The following ARHGEF18 variants were observed in gnomAD, a reference collection of about 807,000 sequenced individuals.
ARHGEF18 encodes the protein rho guanine nucleotide exchange factor 18.
In ARHGEF18, 93 loss-of-function variants were observed where a neutral mutation model predicts 155.7. That is an observed-to-expected ratio of 0.60 (90% confidence interval 0.50 to 0.71). The LOEUF (loss-of-function observed/expected upper bound fraction) is 0.71. ARHGEF18 is among the 30% of genes least tolerant of loss of function. ARHGEF18 has a pLI of 0.00. For missense variants in ARHGEF18, 1,593 were observed against 1,816.1 expected (o/e 0.88, Z 2.23); for synonymous variants, 742 against 753.1 (o/e 0.99, Z 0.24).
intron 10 of ARHGEF18, among the ~76,000 whole-genome samples, chr19:7,387,491 C>T (rs116193382): frequency 3.3e-5 from 5 of 152,074 alleles, no homozygotes; most frequent in East Asian, 1.9e-4. Context: ...TGTTTGCATA[C>T]GCTGAAAGCT....
Position 7,470,222 on chromosome 19 carries a change from C to T in ARHGEF18, c.4010C>T (p.Pro1337Leu). The change falls in exon 29 of 29, where the codon CCA becomes CTA. Residue 1337 changes from proline (P) to leucine (L), a missense_variant. Transcript: ENST00000668164. The surrounding 1 kb of genome is among the most constrained non-coding windows in gnomAD (Gnocchi z 5.9). ...GGCACAGCCCTCCTGCCCGGGCCCC[C>T]AGCTCCCTCGCCACTGCCGGCCACA... ...AGGTALLPGP[P>L]APSPLPATPL... 1 of 1,609,626 alleles carries T rather than the reference C, an allele frequency of 6.2e-7. No homozygotes were observed. The highest frequency in any genetic ancestry group is 8.5e-7 in the Non-Finnish European group (1 of 1,178,614).
intron 10 of ARHGEF18, among the ~76,000 whole-genome samples, chr19:7,414,033 G>A (rs1744645722): frequency 6.6e-6 from 1 of 152,082 alleles, no homozygotes. Flanking sequence ...TTAGATTCCT[G>A]CGCGTGGGTC....
At chr19:7,389,610 T>C (rs1311378348) in intron 10 of ARHGEF18, among the ~76,000 whole-genome samples, 2 of 151,576 alleles carry the variant, frequency 1.3e-5, no homozygotes, top group Non-Finnish European at 2.9e-5. Context: ...CTTGGCTCAC[T>C]GCAACCTCCA....
Position 7,380,944 on chromosome 19 carries a change from C to G in ARHGEF18, c.672C>G (p.Ala224=), listed in dbSNP as rs866671111. ...CCCGGCAGAGGGCTTGCATGTCAGC[C>G]AGCCCCGGAGGAGCCCACTCGAACC... ...HGARQRACMS[A]SPGGAHSNLT... is the part of the protein sequence containing the mutation. The change falls in exon 8 of 29, where the codon GCC becomes GCG. Residue 224 remains alanine, a synonymous_variant. Coordinates refer to ENST00000668164, the MANE Select transcript of ARHGEF18 (RefSeq NM_001367823.1). 84 of 1,231,788 alleles carry G rather than the reference C, an allele frequency of 6.8e-5. No individual in the cohort carries two copies. The Middle Eastern group carries it at 1.5e-3, about 23-fold the overall frequency. The allele number at this position is 1,231,788 out of a possible 1,614,324, so 76.3% of individuals were successfully genotyped here.
intron 2 of ARHGEF18, among the ~76,000 whole-genome samples, chr19:7,365,657 C>A (rs573420545): frequency 2.0e-5 from 3 of 152,212 alleles, no homozygotes; most frequent in Non-Finnish European, 4.4e-5. Context: ...TGCCCCCACC[C>A]GCTGGCAAAT....
intron 10 of ARHGEF18, among the ~76,000 whole-genome samples, chr19:7,424,100 G>C (rs910716463): frequency 1.6e-4 from 24 of 151,908 alleles, no homozygotes; most frequent in African/African-American, 5.6e-4. Context: ...GATCTCGGCT[G>C]ACCGCAACCT....
downstream of ARHGEF18, chr19:7,473,264 A>G (rs901502859): frequency 4.4e-6 from 2 of 456,114 alleles, no homozygotes; most frequent in African/African-American, 4.0e-5. Context: ...GTCGATCACT[A>G]GCTCACTAGG....
At chr19:7,369,314 A>G (rs548730239) in intron 2 of ARHGEF18, among the ~76,000 whole-genome samples, 2 of 152,102 alleles carry the variant, frequency 1.3e-5, no homozygotes, top group African/African-American at 4.8e-5. Flanking sequence ...ATACGAAATT[A>G]GCTGGGCGTG....
intron 26 of ARHGEF18, among the ~76,000 whole-genome samples, chr19:7,468,414 G>T (rs748002532): frequency 3.3e-5 from 5 of 152,126 alleles, no homozygotes; most frequent in Non-Finnish European, 7.4e-5. Context: ...GGGCGTGGTG[G>T]CACATACCTG....
chr19:7,370,389 G>C (rs1169501298), intron 2 of ARHGEF18, among the ~76,000 whole-genome samples: 2 of 151,562 alleles, frequency 1.3e-5, no homozygotes, highest in South Asian at 4.2e-4. Context: ...CCAGCTACTC[G>C]GGAGGCTGAG....
chr19:7,399,937 TA>T (rs1302024536), intron 10 of ARHGEF18, among the ~76,000 whole-genome samples: 1 of 151,936 alleles, frequency 6.6e-6, no homozygotes, highest in Non-Finnish European at 1.5e-5. Flanking sequence ...CGCGCCCAAT[TA>T]ATTTTTGTAT....
At position 7,393,149 on chromosome 19, in the gene ARHGEF18, A is replaced by G. The variant is rs1169892146; in HGVS notation, c.967+9946A>G. 5.9e-5 allele frequency among the ~76,000 whole-genome samples: 9 copies of G among 151,840 alleles called. No homozygotes were observed. The East Asian group carries it at 1.7e-3, about 29-fold the overall frequency. On this transcript the variant is annotated intron_variant, in intron 10 of 28. Transcript: ENST00000668164. Reference sequence around the variant, plus strand: ...CTGCCCAACCATTGAGCCCTCATAAACTCCCGTGTTAGAGTTTCTGACCTC... The same window carrying G: ...CTGCCCAACCATTGAGCCCTCATAAGCTCCCGTGTTAGAGTTTCTGACCTC...
rs1037961375 is a variant in ARHGEF18 at position 7,441,941 on chromosome 19, A to T, written c.1249A>T (p.Ile417Phe). 3.1e-6 allele frequency: 5 copies of T among 1,613,952 alleles called. No homozygotes were observed. Among genetic ancestry groups the T allele is most frequent in the Non-Finnish European group, 4.2e-6 (5 of 1,180,012 alleles). ...CTACACCGCCTCGCTGAGGAGTGAG[A>T]TTGAGTCAGACGGCCACGAGTTTGA... ...DPYTASLRSEIESDGHEFEAE... is the reference protein window; with the variant it reads ...DPYTASLRSEFESDGHEFEAE... Residue 417 changes from isoleucine to phenylalanine, a missense_variant, in exon 13 of 29, where the codon ATT becomes TTT. By Grantham distance (21) the Ile-to-Phe change is conservative. Coordinates refer to ENST00000668164, the MANE Select transcript of ARHGEF18 (RefSeq NM_001367823.1).
At position 7,395,192 on chromosome 19, in the gene ARHGEF18, G is replaced by C; in HGVS notation, c.967+11989G>C. Reference sequence around the variant, plus strand: ...GGGCCGGACGGAGGCATCGGAGGCGGCTGCGAGAGTGGCAGAGGAGCTGGC... The same window carrying C: ...GGGCCGGACGGAGGCATCGGAGGCGCCTGCGAGAGTGGCAGAGGAGCTGGC... On this transcript the variant is annotated intron_variant, in intron 10 of 28. Coordinates refer to ENST00000668164, the MANE Select transcript of ARHGEF18 (RefSeq NM_001367823.1). This position sits in a 1 kb window ranked among gnomAD's most constrained non-coding sequence, Gnocchi z 5.0. 17 of 986,246 alleles carry C rather than the reference G, an allele frequency of 1.7e-5. No homozygotes were observed. The highest frequency in any genetic ancestry group is 2.0e-5 in the Non-Finnish European group (17 of 830,590). 61.1% of individuals were successfully genotyped at this position (986,246 alleles called of 1,614,324 possible). A position where few individuals can be genotyped will look rare whatever the true frequency, so the allele number is the denominator to read the frequency against.
chr19:7,473,728 T>C (rs1486870929), downstream of ARHGEF18, among the ~76,000 whole-genome samples: 1 of 145,258 alleles, frequency 6.9e-6, no homozygotes. Context: ...GAGAATGGCG[T>C]GAACCCAGGA....
chr19:7,434,494 A>G (rs1974144436), intron 10 of ARHGEF18, among the ~76,000 whole-genome samples: 1 of 152,168 alleles, frequency 6.6e-6, no homozygotes, highest in South Asian at 2.1e-4. Flanking sequence ...TACAGTGGCC[A>G]CAGCGGGCCA....
chr19:7,477,847 T>G, the ARHGEF18 span, among the ~76,000 whole-genome samples: 1 of 151,948 alleles, frequency 6.6e-6, no homozygotes, highest in African/African-American at 2.4e-5. Context: ...CGAGACCCCA[T>G]CTCCACCAAA....
At chr19:7,479,013 G>C in the ARHGEF18 span, among the ~76,000 whole-genome samples, 1 of 152,360 alleles carries the variant, frequency 6.6e-6, no homozygotes, top group East Asian at 1.9e-4. Context: ...TCCAGCCTCG[G>C]CCGTGGGGTG....
At chr19:7,437,150 C>T (rs1054562605) in intron 10 of ARHGEF18, among the ~76,000 whole-genome samples, 8 of 152,010 alleles carry the variant, frequency 5.3e-5, no homozygotes, top group African/African-American at 1.7e-4. Flanking sequence ...GCTCAGAGGC[C>T]GGCTACGGTG....
Sources: gnomAD v4.1 joint callset for allele counts (sites outside exome capture counted in the v4.1 genomes callset) on GRCh38, gnomAD v4.1.1 for gene constraint, Gnocchi (gnomAD v3.1) non-coding constraint, MANE v1.5 for transcripts, NCBI Gene and HGNC (gene_info 2026-07-23, HGNC 2026-07-21) for gene names.